GKAP1: variants seen among roughly 807,000 people sequenced by gnomAD.
The protein encoded by GKAP1 is G kinase-anchoring protein 1.
Under a neutral mutation model 56.7 loss-of-function variants are expected in GKAP1, and 31 were observed. The ratio of observed to expected loss-of-function variants is 0.55; its 90% confidence interval spans 0.41 to 0.74. The LOEUF is 0.74. Ranked by LOEUF, GKAP1 falls within the 30% of genes least tolerant of loss-of-function variation. The probability of loss-of-function intolerance (pLI) is 0.00; values close to 1 mark genes in which losing one functional copy is unlikely to be tolerated. For synonymous variants in GKAP1, 151 were observed against 138.6 expected (o/e 1.09, Z -0.63); for missense variants, 364 against 402.3 (o/e 0.90, Z 0.82).
chr9:83,782,064 G>A (rs1362664248), intron 6 of GKAP1, among the ~76,000 whole-genome samples: 1 of 151,798 alleles, frequency 6.6e-6, no homozygotes, highest in African/African-American at 2.4e-5. Context: ...GGGTGGTCTT[G>A]ATCTCCTAAC....
chr9:83,813,364 T>C (rs1944538483), intron 2 of GKAP1, among the ~76,000 whole-genome samples: 1 of 152,238 alleles, frequency 6.6e-6, no homozygotes, highest in East Asian at 1.9e-4. Context: ...CATTTACATA[T>C]TATTAAACTA....
At chr9:83,776,690 T>C (rs1184554571) in intron 7 of GKAP1, among the ~76,000 whole-genome samples, 1 of 152,094 alleles carries the variant, frequency 6.6e-6, no homozygotes, top group South Asian at 2.1e-4. Context: ...GAAAGAAAAA[T>C]AAAATTAATA....
rs4099085 is a variant in GKAP1, at chr9:83,744,712, T to G, written c.905-2112A>C. Among the ~76,000 whole-genome samples, 25 of 152,280 alleles carry G rather than the reference T, an allele frequency of 1.6e-4. 1 individual carries two copies. The South Asian group carries it at 5.2e-3, about 32-fold the overall frequency. On this transcript the variant is annotated intron_variant, in intron 10 of 12. Transcript: ENST00000376371. ...TTTTGTTTCTTTGAGACAGGTGTAT[T>G]AGTTCATTCTCACACTACTATAAAG...
chr9:83,787,713 C>A (rs1214185500), intron 5 of GKAP1, among the ~76,000 whole-genome samples: 1 of 152,170 alleles, frequency 6.6e-6, no homozygotes, highest in Non-Finnish European at 1.5e-5. Flanking sequence ...AATGAATACT[C>A]ACACAATTTA....
chr9:83,764,551 T>G (rs1303680249), intron 8 of GKAP1, among the ~76,000 whole-genome samples: 2 of 152,016 alleles, frequency 1.3e-5, no homozygotes, highest in South Asian at 2.1e-4. Context: ...TAAAGATACC[T>G]GAAAATGTGG....
chr9:83,770,807 G>A (rs1339674573), intron 7 of GKAP1, among the ~76,000 whole-genome samples: 5 of 152,054 alleles, frequency 3.3e-5, no homozygotes, highest in East Asian at 1.9e-4. Flanking sequence ...TGATCTGTCC[G>A]CCTCAGCCTC....
intron 10 of GKAP1, among the ~76,000 whole-genome samples, chr9:83,744,927 C>G (rs1183794631): frequency 6.6e-6 from 1 of 152,154 alleles, no homozygotes; most frequent in African/African-American, 2.4e-5. Context: ...TGAGAACTCA[C>G]TAACATGAGA....
chr9:83,788,416 T>C (rs978812185), intron 5 of GKAP1, among the ~76,000 whole-genome samples, 185 bp downstream of exon 5: 3 of 152,210 alleles, frequency 2.0e-5, no homozygotes, highest in Admixed American at 6.5e-5. Context: ...TTCCAACTGT[T>C]TCTGTTCTAT....
At chr9:83,796,026 C>A (rs117688597) in intron 4 of GKAP1, among the ~76,000 whole-genome samples, 1 of 152,188 alleles carries the variant, frequency 6.6e-6, no homozygotes, top group Non-Finnish European at 1.5e-5. Flanking sequence ...ATTCCTCATT[C>A]TTAAAATTAG....
At chr9:83,804,418 G>A (rs532080078) in intron 3 of GKAP1, among the ~76,000 whole-genome samples, 3 of 134,510 alleles carry the variant, frequency 2.2e-5, no homozygotes, top group Non-Finnish European at 4.8e-5. Flanking sequence ...CCCCCCGCCC[G>A]GCCAGCCACC....
At chr9:83,788,302 A>G (rs1370718553) in intron 5 of GKAP1, among the ~76,000 whole-genome samples, 1 of 152,124 alleles carries the variant, frequency 6.6e-6, no homozygotes, top group Admixed American at 6.6e-5. Flanking sequence ...ATAAAAATAA[A>G]TAAAATTAAA....
chr9:83,757,750 A>C (rs1943500866), intron 8 of GKAP1, among the ~76,000 whole-genome samples: 1 of 152,212 alleles, frequency 6.6e-6, no homozygotes, highest in African/African-American at 2.4e-5. Flanking sequence ...ATGAGAGCCT[A>C]AATTAGAGAA....
intron 2 of GKAP1, among the ~76,000 whole-genome samples, chr9:83,816,719 G>T (rs185618645): frequency 2.6e-4 from 40 of 152,252 alleles, no homozygotes; most frequent in African/African-American, 8.4e-4. Context: ...TAAGACAGAC[G>T]ATCTTTCATT....
At chr9:83,772,272 T>C (rs1943775863) in intron 7 of GKAP1, among the ~76,000 whole-genome samples, 1 of 152,128 alleles carries the variant, frequency 6.6e-6, no homozygotes, top group African/African-American at 2.4e-5. Context: ...TGGAACAGAA[T>C]TGAGAATCTA....
intron 4 of GKAP1, among the ~76,000 whole-genome samples, chr9:83,791,887 T>A (rs1944165622): frequency 6.6e-6 from 1 of 152,228 alleles, no homozygotes; most frequent in South Asian, 2.1e-4. Flanking sequence ...AGATACAATT[T>A]GGATAGGCAG....
rs1408875165 is a variant in GKAP1 at position 83,808,035 on chromosome 9, T to G, written c.-43-1475A>C. 3.9e-5 allele frequency among the ~76,000 whole-genome samples: 6 copies of G among 152,334 alleles called. No individual in the cohort carries two copies. The East Asian group carries it at 1.2e-3, about 29-fold the overall frequency. On this transcript the variant is annotated intron_variant, in intron 2 of 12. Transcript: ENST00000376371. ...ACTGATGTCTGAAGATGCCATCTAG[T>G]CGTCATTAAGTCATAGCATTTTATT... is the stretch of plus-strand genomic sequence containing the variant.
chr9:83,804,054 C>T (rs1441536982), intron 3 of GKAP1, among the ~76,000 whole-genome samples: 6 of 150,812 alleles, frequency 4.0e-5, no homozygotes, highest in African/African-American at 9.8e-5. Context: ...CCCCTCTGCC[C>T]GGCAGCCACC....
chr9:83,778,092 G>A (rs1587715607), intron 7 of GKAP1, among the ~76,000 whole-genome samples: 1 of 152,190 alleles, frequency 6.6e-6, no homozygotes, highest in South Asian at 2.1e-4. Flanking sequence ...CTTATCCACT[G>A]TTGGTGGGAA....
chr9:83,814,390 T>C (rs295268), intron 2 of GKAP1, among the ~76,000 whole-genome samples: 47,243 of 152,008 alleles, frequency 0.31, 7,972 homozygotes, highest in African/African-American at 0.45. Context: ...TTCCATTTAT[T>C]CCTCAAAATC....
Sources: gnomAD v4.1 joint callset for allele counts (sites outside exome capture counted in the v4.1 genomes callset) on GRCh38, gnomAD v4.1.1 for gene constraint, MANE v1.5 for transcripts, NCBI Gene and HGNC (gene_info 2026-07-23, HGNC 2026-07-21) for gene names.